Variants in MAPK10 observed in about 807,000 individuals in gnomAD.
MAPK10 encodes mitogen-activated protein kinase 10.
In MAPK10, 25 loss-of-function variants were observed where a neutral mutation model predicts 59.3. The ratio of observed to expected loss-of-function variants is 0.42; its 90% CI spans 0.31 to 0.59. The LOEUF is 0.59. MAPK10 is among the 20% of genes least tolerant of loss of function. MAPK10 has a pLI of 0.15. For missense variants in MAPK10, 351 were observed against 568.9 expected (o/e 0.62, Z 3.90); for synonymous variants, 190 against 200.5 (o/e 0.95, Z 0.44).
At chr4:86,328,793 C>G (rs1165268085) in intron 2 of MAPK10, among the ~76,000 whole-genome samples, 2 of 151,988 alleles carry the variant, frequency 1.3e-5, no homozygotes, top group Non-Finnish European at 2.9e-5. Flanking sequence ...TAAGTGGGAG[C>G]TGAACAATGA....
At position 86,126,893 on chromosome 4, in the gene MAPK10, G is replaced by C. The variant is rs151094905; in HGVS notation, c.237-19541C>G. On this transcript the variant is annotated intron_variant, in intron 4 of 13. Coordinates refer to ENST00000641462, the MANE Select transcript of MAPK10 (RefSeq NM_138982.4). ...CAATCCGTGATTTCCCCATATCCAAGGCCTATTTGTACCTCCAGTGTATAT... is the reference window on the plus strand; with the variant it reads ...CAATCCGTGATTTCCCCATATCCAACGCCTATTTGTACCTCCAGTGTATAT... Among the ~76,000 whole-genome samples, 747 of 151,872 alleles carry C rather than the reference G, an allele frequency of 4.9e-3. 1 individual carries two copies. The highest frequency in any genetic ancestry group is 7.5e-3 in the Non-Finnish European group (511 of 67,914).
At chr4:86,171,464 C>T (rs2074118883) in intron 3 of MAPK10, among the ~76,000 whole-genome samples, 1 of 151,872 alleles carries the variant, frequency 6.6e-6, no homozygotes, top group African/African-American at 2.4e-5. Flanking sequence ...CTGAGAAAAA[C>T]AAGCAATGGG....
intron 9 of MAPK10, chr4:86,080,147 T>TA (rs2050335666): frequency 6.6e-6 from 1 of 151,862 alleles, no homozygotes; most frequent in Non-Finnish European, 1.5e-5. Context: ...TGTACACACA[T>TA]AATATAAAGA....
At position 86,017,861 on chromosome 4, in the gene MAPK10, T is replaced by C. The variant is rs1003250328; in HGVS notation, c.1253-491A>G. Among the ~76,000 whole-genome samples, 4 of 151,918 alleles carry C rather than the reference T, an allele frequency of 2.6e-5. No homozygotes were observed. The highest frequency in any genetic ancestry group is 4.8e-5 in the African/African-American group (2 of 41,312). On this transcript the variant is annotated intron_variant, in intron 13 of 13. Transcript: ENST00000641462. The surrounding 1 kb of genome is among the most constrained non-coding windows in gnomAD (Gnocchi z 4.4). ...CCTCAGCCTCCCGAGTAGCTGGGAG[T>C]ACAGGTGCGCACCACCACACCCAGC...
At chr4:86,429,237 G>T (rs1219532954) in intron 1 of MAPK10, among the ~76,000 whole-genome samples, 2 of 152,074 alleles carry the variant, frequency 1.3e-5, no homozygotes, top group Admixed American at 1.3e-4. Context: ...TGGTATCGGA[G>T]ATTTCGAAGC....
chr4:86,074,927 C>G (rs1179255626), intron 9 of MAPK10, among the ~76,000 whole-genome samples: 5 of 137,746 alleles, frequency 3.6e-5, no homozygotes, highest in Admixed American at 1.4e-4. Flanking sequence ...TTTCCTGAAT[C>G]TGAACGTTGG....
intron 1 of MAPK10, among the ~76,000 whole-genome samples, chr4:86,487,032 T>C (rs140517602): frequency 6.1e-4 from 93 of 152,154 alleles, no homozygotes; most frequent in Middle Eastern, 3.4e-3. Flanking sequence ...AATATCAGTG[T>C]CATGAAAGAT....
chr4:86,027,941 A>G (rs568654488), intron 13 of MAPK10: 2 of 152,348 alleles, frequency 1.3e-5, no homozygotes, highest in Admixed American at 1.3e-4. Context: ...TGAACTGAAG[A>G]TGAATAGAAT....
At chr4:86,179,219 GAAAGA>G (rs1480946573) in intron 3 of MAPK10, among the ~76,000 whole-genome samples, 2 of 151,338 alleles carry the variant, frequency 1.3e-5, no homozygotes, top group Non-Finnish European at 3.0e-5. Context: ...AATAAAAAAA[GAAAGA>G]AAAGAAAAGA....
At chr4:86,534,388 T>A (rs535345509) in intron 1 of MAPK10, among the ~76,000 whole-genome samples, 1 of 152,110 alleles carries the variant, frequency 6.6e-6, no homozygotes, top group Non-Finnish European at 1.5e-5. Flanking sequence ...CTAGATGCAA[T>A]GTGTTATCAC....
intron 1 of MAPK10, among the ~76,000 whole-genome samples, chr4:86,553,074 C>T (rs1056676818): frequency 3.9e-5 from 6 of 152,004 alleles, no homozygotes; most frequent in Non-Finnish European, 8.8e-5. Context: ...AAACTTTTTT[C>T]AACAAAAATA....
intron 2 of MAPK10, among the ~76,000 whole-genome samples, chr4:86,216,781 A>G (rs991929164): frequency 6.6e-6 from 1 of 152,106 alleles, no homozygotes; most frequent in Non-Finnish European, 1.5e-5. Context: ...GTAACAAAAG[A>G]GTATTACAAT....
intron 9 of MAPK10, among the ~76,000 whole-genome samples, chr4:86,078,224 A>T (rs1306860354): frequency 6.6e-6 from 1 of 152,248 alleles, no homozygotes; most frequent in Non-Finnish European, 1.5e-5. Context: ...GTAAAATACT[A>T]ACATGTTTCA....
intron 1 of MAPK10, among the ~76,000 whole-genome samples, chr4:86,367,662 TG>T (rs1425927161): frequency 2.0e-5 from 3 of 151,938 alleles, no homozygotes; most frequent in Admixed American, 6.6e-5. Flanking sequence ...TTTTTTTTTT[TG>T]TTTTGTTTTG....
At chr4:86,421,212 C>T (rs773486362) in intron 1 of MAPK10, among the ~76,000 whole-genome samples, 7 of 152,074 alleles carry the variant, frequency 4.6e-5, no homozygotes, top group Non-Finnish European at 7.4e-5. Flanking sequence ...CAAGTTCTAT[C>T]GTTCTTTTTG....
chr4:86,061,510 C>T (rs2045755595), intron 11 of MAPK10, among the ~76,000 whole-genome samples: 1 of 152,138 alleles, frequency 6.6e-6, no homozygotes, highest in Non-Finnish European at 1.5e-5. Context: ...CTCATGTGTA[C>T]ATGACTAATT....
chr4:86,211,665 A>G (rs1449840256), intron 2 of MAPK10, among the ~76,000 whole-genome samples: 1 of 152,122 alleles, frequency 6.6e-6, no homozygotes, highest in Non-Finnish European at 1.5e-5. Flanking sequence ...GATAATTATA[A>G]AAGTTAGTAT....
At chr4:86,430,557 G>C (rs1383298211) in intron 1 of MAPK10, among the ~76,000 whole-genome samples, 1 of 152,180 alleles carries the variant, frequency 6.6e-6, no homozygotes, top group South Asian at 2.1e-4. Flanking sequence ...ATATACCATA[G>C]AGTTGGGTCA....
rs1253884036 is a variant in MAPK10 at position 86,015,164 on chromosome 4, CA to C, written c.*2063del. The C allele has an allele frequency of 6.6e-6, 1 of 152,028 alleles. No homozygotes were observed. Among genetic ancestry groups the C allele is most frequent in the Non-Finnish European group, 1.5e-5 (1 of 68,026 alleles). The allele number at this position is 152,028 out of a possible 1,614,324, so 9.4% of individuals were successfully genotyped here. ...TTTTTATTCCAGGGGACAAGCTGCA[CA>C]AAGGAATGTTCTTCTATTTATTTTA... On this transcript the variant is annotated 3_prime_UTR_variant, in exon 14 of 14. Coordinates refer to ENST00000641462, the MANE Select transcript of MAPK10 (RefSeq NM_138982.4).
Sources: allele counts gnomAD v4.1 joint callset (sites outside exome capture counted in the v4.1 genomes callset), GRCh38; gene constraint gnomAD v4.1.1; non-coding constraint Gnocchi (gnomAD v3.1); transcripts MANE v1.5; gene names NCBI Gene and HGNC (gene_info 2026-07-23, HGNC 2026-07-21).